The following PRDM6 variants were observed in gnomAD, a reference collection of about 807,000 sequenced individuals.
PRDM6 encodes PR/SET domain 6.
In PRDM6, 25 loss-of-function variants were observed where a neutral mutation model predicts 60.8. That is an observed-to-expected ratio of 0.41 (90% CI 0.30 to 0.57). The LOEUF (loss-of-function observed/expected upper bound fraction) is 0.57, where lower values mean the gene tolerates loss of function less well. PRDM6 is among the 20% of genes least tolerant of loss of function. The probability of loss-of-function intolerance (pLI) is 0.27; values close to 1 mark genes in which losing one functional copy is unlikely to be tolerated. For missense variants in PRDM6, 839 were observed against 821.3 expected (o/e 1.02, Z -0.26); for synonymous variants, 407 against 357.4 (o/e 1.14, Z -1.57).
intron 3 of PRDM6, among the ~76,000 whole-genome samples, chr5:123,110,332 C>T (rs1764282695): frequency 7.0e-6 from 1 of 142,710 alleles, no homozygotes; most frequent in Non-Finnish European, 1.5e-5. Context: ...AATCCCGGCT[C>T]ACTGCAACGT....
chr5:123,144,250 G>A (rs1580515139), intron 3 of PRDM6, among the ~76,000 whole-genome samples: 1 of 152,144 alleles, frequency 6.6e-6, no homozygotes, highest in African/African-American at 2.4e-5. Context: ...GACTAACACA[G>A]CCATCTATGC....
At chr5:123,136,640 G>A (rs573960383) in intron 3 of PRDM6, among the ~76,000 whole-genome samples, 2 of 152,296 alleles carry the variant, frequency 1.3e-5, no homozygotes, top group East Asian at 1.9e-4. Flanking sequence ...ATAAGGGGCT[G>A]GAGATGTTAT....
chr5:123,142,901 A>AAC (rs1216843434), intron 3 of PRDM6, among the ~76,000 whole-genome samples: 2 of 106,840 alleles, frequency 1.9e-5, no homozygotes, highest in African/African-American at 3.4e-5. Context: ...AAAAAAAAAA[A>AAC]ACAAACAAAC....
chr5:123,124,589 T>A (rs751255044), intron 3 of PRDM6, among the ~76,000 whole-genome samples: 13 of 152,250 alleles, frequency 8.5e-5, no homozygotes, highest in Non-Finnish European at 1.6e-4. Flanking sequence ...GAAACTTTGC[T>A]GTTTTTGGCA....
At chr5:123,153,516 T>G (rs1765420564) in intron 3 of PRDM6, among the ~76,000 whole-genome samples, 1 of 152,162 alleles carries the variant, frequency 6.6e-6, no homozygotes, top group South Asian at 2.1e-4. Context: ...CACAGTTTCA[T>G]GTGAAATATT....
At chr5:123,143,276 G>T (rs1034613171) in intron 3 of PRDM6, among the ~76,000 whole-genome samples, 2 of 151,966 alleles carry the variant, frequency 1.3e-5, no homozygotes, top group Non-Finnish European at 2.9e-5. Context: ...CCATTTTCTT[G>T]TGGTTTCAAG....
chr5:123,135,767 A>G (rs1195766837), intron 3 of PRDM6, among the ~76,000 whole-genome samples: 2 of 152,176 alleles, frequency 1.3e-5, no homozygotes, highest in African/African-American at 4.8e-5. Flanking sequence ...TTTTGGATGA[A>G]TTTCTAAATT....
chr5:123,105,628 A>C (rs930852859), intron 3 of PRDM6, among the ~76,000 whole-genome samples: 7 of 152,338 alleles, frequency 4.6e-5, no homozygotes, highest in South Asian at 2.1e-4. Flanking sequence ...GTATGGGAAA[A>C]ACCATTTGCT....
Position 123,187,250 on chromosome 5 carries a change from T to C in PRDM6, c.*49T>C. ...CTGCAAGGAAAGTCATGATTAAATG[T>C]CACGGACACTTAAGCAAAACCAAAG... is the stretch of plus-strand genomic sequence containing the variant. On this transcript the variant is annotated 3_prime_UTR_variant, in exon 8 of 8. Coordinates refer to ENST00000407847, the MANE Select transcript of PRDM6 (RefSeq NM_001136239.4). The C allele has an allele frequency of 1.4e-6, 2 of 1,411,936 alleles. No homozygotes were observed. The highest frequency in any genetic ancestry group is 2.0e-6 in the Non-Finnish European group (2 of 1,021,560). The allele number at this position is 1,411,936 out of a possible 1,614,324, so 87.5% of individuals were successfully genotyped here. A position where few individuals can be genotyped will look rare whatever the true frequency, so the allele number is the denominator to read the frequency against.
intron 3 of PRDM6, among the ~76,000 whole-genome samples, chr5:123,104,233 A>G (rs1288448868): frequency 1.3e-5 from 2 of 152,116 alleles, no homozygotes; most frequent in African/African-American, 4.8e-5. Flanking sequence ...ACATTGCTAA[A>G]TGTTTATATT....
chr5:123,140,943 T>C (rs539757466), intron 3 of PRDM6, among the ~76,000 whole-genome samples: 112 of 152,216 alleles, frequency 7.4e-4, no homozygotes, highest in Non-Finnish European at 1.4e-3. Flanking sequence ...CCTTTTAAAT[T>C]GAACCTCAGA....
intron 3 of PRDM6, among the ~76,000 whole-genome samples, chr5:123,124,210 T>C (rs373941829): frequency 1.3e-5 from 2 of 152,290 alleles, no homozygotes; most frequent in Admixed American, 6.5e-5. Flanking sequence ...TATGACTGTT[T>C]ATGTAGCACA....
intron 3 of PRDM6, among the ~76,000 whole-genome samples, chr5:123,127,510 A>G (rs898488532): frequency 2.9e-4 from 44 of 152,308 alleles, no homozygotes; most frequent in African/African-American, 9.1e-4. Context: ...AGAATTGACT[A>G]CTTTTTTGGG....
chr5:123,142,092 A>G (rs1765116083), intron 3 of PRDM6, among the ~76,000 whole-genome samples: 1 of 152,178 alleles, frequency 6.6e-6, no homozygotes, highest in African/African-American at 2.4e-5. Context: ...AAATTTGCCT[A>G]GGTCTAATAA....
rs747914542 is a variant in PRDM6 at position 123,099,806 on chromosome 5, T to C, written c.745T>C (p.Cys249Arg). The C allele has an allele frequency of 2.6e-6, 4 of 1,549,404 alleles. No homozygotes were observed. The South Asian group carries it at 4.8e-5, about 18-fold the overall frequency. ...EWLRDLPREVCLCTSTVPGLA... is the reference protein window; with the variant it reads ...EWLRDLPREVRLCTSTVPGLA... ...GCTGCGGGACCTGCCTCGCGAGGTG[T>C]GCCTCTGCACCAGTACTGTGCCCGG... Residue 249 changes from cysteine to arginine, a missense_variant, in exon 3 of 8, where the codon TGC becomes CGC. Cys to Arg is a radical substitution (Grantham distance 180). Around this residue, in one of 2 missense-constraint regions of PRDM6, gnomAD observed 730 missense variants for 648.8 expected, o/e 1.13. Coordinates refer to ENST00000407847, the MANE Select transcript of PRDM6 (RefSeq NM_001136239.4). The surrounding 1 kb of genome is among the most constrained non-coding windows in gnomAD (Gnocchi z 4.0).
chr5:123,158,767 G>A (rs994574385), intron 4 of PRDM6, among the ~76,000 whole-genome samples: 2 of 152,026 alleles, frequency 1.3e-5, no homozygotes, highest in Non-Finnish European at 2.9e-5. Flanking sequence ...TGAACTTGAG[G>A]TTCATATTTG....
chr5:123,141,863 A>G (rs1023247115), intron 3 of PRDM6, among the ~76,000 whole-genome samples: 1 of 152,246 alleles, frequency 6.6e-6, no homozygotes, highest in South Asian at 2.1e-4. Context: ...AAACTCTGTA[A>G]TATGTCATCT....
chr5:123,149,898 T>C (rs1390690360), intron 3 of PRDM6, among the ~76,000 whole-genome samples: 1 of 152,206 alleles, frequency 6.6e-6, no homozygotes, highest in Non-Finnish European at 1.5e-5. Flanking sequence ...TACCTATCAG[T>C]AAATTACAAA....
At chr5:123,154,055 G>A (rs995418791) in intron 3 of PRDM6, among the ~76,000 whole-genome samples, 1 of 151,756 alleles carries the variant, frequency 6.6e-6, no homozygotes, top group African/African-American at 2.4e-5. Flanking sequence ...CAATTTTGAA[G>A]AAACTGGTTA....
Sources: gnomAD v4.1 joint callset for allele counts (sites outside exome capture counted in the v4.1 genomes callset) on GRCh38, gnomAD v4.1.1 for gene constraint, gnomAD v4.1.1 regional missense constraint, Gnocchi (gnomAD v3.1) non-coding constraint, MANE v1.5 for transcripts, NCBI Gene and HGNC (gene_info 2026-07-23, HGNC 2026-07-21) for gene names.